ADAM12: variants seen among roughly 807,000 people sequenced by gnomAD.
The protein encoded by ADAM12 is disintegrin and metalloproteinase domain-containing protein 12.
A neutral mutation model predicts 106.4 loss-of-function variants in ADAM12; 70 were observed. That is an observed-to-expected ratio of 0.66 (90% CI 0.54 to 0.80). ADAM12 has a LOEUF of 0.80. Among genes scored for constraint, ADAM12 ranks in the 30% least tolerant of loss-of-function variants. The pLI, the probability that ADAM12 is intolerant of heterozygous loss-of-function variation, is 0.00. For synonymous variants in ADAM12, 420 were observed against 433.5 expected, an observed-to-expected ratio of 0.97 and a Z score of 0.39; for missense variants, 1,010 against 1,171.9, an observed-to-expected ratio of 0.86 and a Z score of 2.02.
chr10:126,241,865 T>C (rs541229620), intron 3 of ADAM12, among the ~76,000 whole-genome samples: 1 of 152,220 alleles, frequency 6.6e-6, no homozygotes, highest in African/African-American at 2.4e-5. Flanking sequence ...GTATATTTTA[T>C]AAATTAGTAC....
chr10:126,244,479 TCTGA>T (rs770060871), intron 3 of ADAM12, among the ~76,000 whole-genome samples: 8 of 152,146 alleles, frequency 5.3e-5, no homozygotes, highest in Admixed American at 3.9e-4. Context: ...TCCAGAAAAC[TCTGA>T]CTGACTGACT....
chr10:126,315,287 G>A (rs1010671206), intron 2 of ADAM12, among the ~76,000 whole-genome samples: 2 of 152,084 alleles, frequency 1.3e-5, no homozygotes, highest in African/African-American at 4.8e-5. Flanking sequence ...TATTTTATAG[G>A]AAAAGATCTT....
chr10:126,047,161 T>C (rs1954348690), intron 16 of ADAM12, among the ~76,000 whole-genome samples: 1 of 152,200 alleles, frequency 6.6e-6, no homozygotes, highest in South Asian at 2.1e-4. Flanking sequence ...TTATCTCCTA[T>C]AAGATTTTAC....
At chr10:126,268,990 C>T (rs992348070) in intron 3 of ADAM12, among the ~76,000 whole-genome samples, 3 of 152,154 alleles carry the variant, frequency 2.0e-5, no homozygotes, top group Admixed American at 6.5e-5. Flanking sequence ...ACTCCATAGA[C>T]ACAGCAGCCC....
intron 4 of ADAM12, among the ~76,000 whole-genome samples, chr10:126,138,886 T>C (rs1956458201): frequency 6.6e-6 from 1 of 152,112 alleles, no homozygotes; most frequent in South Asian, 2.1e-4. Context: ...GAATTAATTT[T>C]TGTATGTAGC....
rs1342608196 is a variant in ADAM12 at position 126,043,235 on chromosome 10, C to CG, written c.1996-88_1996-87insC. On this transcript the variant is annotated intron_variant, in intron 17 of 22. Transcript: ENST00000448723. This position sits in a 1 kb window ranked among gnomAD's most constrained non-coding sequence, Gnocchi z 4.1. ...GAAGCAAGGGGGGCCATGGTCAGAG[C>CG]CCCCCCCCAACACTGACACAGCCAG... 2.3e-6 allele frequency: 2 copies of CG among 868,738 alleles called. No individual in the cohort carries two copies. The highest frequency in any genetic ancestry group is 4.8e-5 in the African/African-American group (2 of 41,726). The allele number at this position is 868,738 out of a possible 1,614,324, so 53.8% of individuals were successfully genotyped here.
intron 2 of ADAM12, among the ~76,000 whole-genome samples, chr10:126,295,090 G>A (rs1960309625): frequency 6.6e-6 from 1 of 152,084 alleles, no homozygotes; most frequent in South Asian, 2.1e-4. Context: ...ATAAAAGGAA[G>A]TGGTCAGTTA....
intron 3 of ADAM12, among the ~76,000 whole-genome samples, chr10:126,172,094 A>G (rs573457741): frequency 2.0e-5 from 3 of 152,342 alleles, no homozygotes; most frequent in African/African-American, 7.2e-5. Flanking sequence ...AAAAAATACT[A>G]TTATGATCTC....
At chr10:126,181,795 T>C (rs1268422310) in intron 3 of ADAM12, among the ~76,000 whole-genome samples, 1 of 152,214 alleles carries the variant, frequency 6.6e-6, no homozygotes, top group Non-Finnish European at 1.5e-5. Context: ...AAGCCAGCTG[T>C]TGACAGTCAG....
At chr10:126,246,314 A>G (rs913707566) in intron 3 of ADAM12, among the ~76,000 whole-genome samples, 2 of 152,198 alleles carry the variant, frequency 1.3e-5, no homozygotes, top group African/African-American at 4.8e-5. Context: ...CCTGTTGTAA[A>G]ATGCCCCAGA....
chr10:126,316,488 G>A (rs562347584), intron 2 of ADAM12, among the ~76,000 whole-genome samples: 25 of 152,198 alleles, frequency 1.6e-4, no homozygotes, highest in Non-Finnish European at 2.6e-4. Context: ...CCCAAGTTGC[G>A]CAGGGCTCAA....
At chr10:126,121,102 T>TTATATGTAG (rs1956085722) in intron 5 of ADAM12, among the ~76,000 whole-genome samples, 1 of 40,340 alleles carries the variant, frequency 2.5e-5, no homozygotes, top group African/African-American at 1.1e-4. Flanking sequence ...ATATACTATA[T>TTATATGTAG]TATATATAGT....
intron 11 of ADAM12, among the ~76,000 whole-genome samples, chr10:126,075,660 G>T (rs1955086735): frequency 6.6e-6 from 1 of 152,222 alleles, no homozygotes; most frequent in Non-Finnish European, 1.5e-5. Flanking sequence ...CACCCGAAGG[G>T]AAGAAGGTGT....
chr10:126,114,029 C>G (rs1955933910), intron 6 of ADAM12, among the ~76,000 whole-genome samples: 1 of 152,060 alleles, frequency 6.6e-6, no homozygotes, highest in Non-Finnish European at 1.5e-5. Context: ...TTAGCTCAAG[C>G]AAGCAACGCT....
intron 16 of ADAM12, among the ~76,000 whole-genome samples, 183 bp from the exon 17 acceptor site, chr10:126,046,315 T>C (rs762226961): frequency 6.6e-6 from 1 of 152,218 alleles, no homozygotes; most frequent in Non-Finnish European, 1.5e-5. Context: ...ATGGATCTTA[T>C]TGCCTGACTC....
rs1247609342 is a variant in ADAM12 at position 126,032,389 on chromosome 10, C to T, written c.2529+3757G>A. Among the ~76,000 whole-genome samples the T allele has an allele frequency of 4.6e-5, 7 of 152,174 alleles. No homozygotes were observed. In the South Asian group the frequency reaches 8.3e-4, roughly 18 times the overall value. ...TATATCATATGTCTTAGAAAAGTTC[C>T]AGACAGACACCAGCCTGGAGTGAGA... On this transcript the variant is annotated intron_variant, in intron 21 of 22. Coordinates refer to ENST00000448723, the MANE Select transcript of ADAM12 (RefSeq NM_001288973.2).
rs10901522 is a variant in ADAM12 at position 126,043,277 on chromosome 10, G to A, written c.1996-129C>T. 0.14 allele frequency: 119,132 copies of A among 859,864 alleles called. 9,462 individuals are homozygous for A. Among genetic ancestry groups the A allele is most frequent in the African/African-American group, 0.24 (14,451 of 59,522 alleles). 53.3% of individuals were successfully genotyped at this position (859,864 alleles called of 1,614,324 possible). A position where few individuals can be genotyped will look rare whatever the true frequency, so the allele number is the denominator to read the frequency against. ...CACAGCCAGACTCAGCACACGCCAT[G>A]GTGCGAATAAGCCCAAAGCCGGCAC... On this transcript the variant is annotated intron_variant, in intron 17 of 22. Coordinates refer to ENST00000448723, the MANE Select transcript of ADAM12 (RefSeq NM_001288973.2). This position sits in a 1 kb window ranked among gnomAD's most constrained non-coding sequence, Gnocchi z 4.1.
intron 4 of ADAM12, among the ~76,000 whole-genome samples, chr10:126,151,994 A>G (rs1338849053): frequency 7.1e-6 from 1 of 140,422 alleles, no homozygotes. Flanking sequence ...GGTTTAATTC[A>G]TCTTCCCTCT....
At chr10:126,318,941 C>T (rs374190424) in intron 2 of ADAM12, among the ~76,000 whole-genome samples, 1 of 152,114 alleles carries the variant, frequency 6.6e-6, no homozygotes, top group African/African-American at 2.4e-5. Flanking sequence ...CTTTAAAAAA[C>T]CAGCAGATCT....
Sources: gnomAD v4.1 joint callset for allele counts (sites outside exome capture counted in the v4.1 genomes callset) on GRCh38, gnomAD v4.1.1 for gene constraint, Gnocchi (gnomAD v3.1) non-coding constraint, MANE v1.5 for transcripts, NCBI Gene and HGNC (gene_info 2026-07-23, HGNC 2026-07-21) for gene names.